The following MBTD1 variants were observed in gnomAD, a reference collection of about 807,000 sequenced individuals.
The protein encoded by MBTD1 is mbt domain containing 1.
MBTD1 carries 24 observed loss-of-function variants against 87.8 expected under a neutral mutation model. That is an observed-to-expected ratio of 0.27 (90% CI 0.20 to 0.38). The LOEUF (loss-of-function observed/expected upper bound fraction) is 0.38. Among genes scored for constraint, MBTD1 ranks in the 10% least tolerant of loss-of-function variants. MBTD1 has a pLI of 1.00. For missense variants in MBTD1, 436 were observed against 760.2 expected (o/e 0.57, Z 5.02); for synonymous variants, 237 against 248.6 (o/e 0.95, Z 0.44).
intron 9 of MBTD1, 89 bp downstream of exon 9, chr17:51,203,051 T>A: frequency 7.8e-7 from 1 of 1,286,126 alleles, no homozygotes; most frequent in Non-Finnish European, 1.1e-6. Context: ...GATCATCTGG[T>A]TCACAAAATT....
At chr17:51,235,256 C>T (rs1040191017) in intron 2 of MBTD1, among the ~76,000 whole-genome samples, 1 of 152,046 alleles carries the variant, frequency 6.6e-6, no homozygotes, top group Admixed American at 6.6e-5. Context: ...GTGCCTTAGC[C>T]TCCTGAGTAG....
chr17:51,251,349 A>C (rs1220990733), intron 2 of MBTD1: 1 of 152,068 alleles, frequency 6.6e-6, no homozygotes. Flanking sequence ...CATGTTTCCA[A>C]GTCTTCACTG....
At position 51,187,349 on chromosome 17, in the gene MBTD1, C is replaced by G. The variant is rs188582328; in HGVS notation, c.1768+4854G>C. On this transcript the variant is annotated intron_variant, in intron 16 of 16. Transcript: ENST00000586178. ...CCCAAGGGTTCAAGGCTGCAGTGAG[C>G]TATGATTGCACCACAGTGCTCCAGG... 1.7e-3 allele frequency among the ~76,000 whole-genome samples: 248 copies of G among 149,108 alleles called. 1 individual carries two copies. The highest frequency in any genetic ancestry group is 2.8e-4 in the Non-Finnish European group (19 of 67,766).
chr17:51,188,879 C>T (rs2145038812), intron 16 of MBTD1, among the ~76,000 whole-genome samples: 1 of 151,838 alleles, frequency 6.6e-6, no homozygotes, highest in African/African-American at 2.4e-5. Context: ...CCTGCCTCAG[C>T]CTCCCGAGTG....
intron 2 of MBTD1, 22 bp from the exon 3 acceptor site, chr17:51,225,231 T>C (rs1180210487): frequency 7.3e-7 from 1 of 1,373,946 alleles, no homozygotes; most frequent in East Asian, 2.6e-5. Flanking sequence ...GAGAAACCAG[T>C]GACACATGAC....
In MBTD1 at chr17:51,202,694, T is replaced by C. The variant is rs1355106731; in HGVS notation, c.1063+7A>G. The C allele has an allele frequency of 1.9e-6, 3 of 1,606,040 alleles. No homozygotes were observed. The highest frequency in any genetic ancestry group is 1.3e-5 in the African/African-American group (1 of 74,924). On this transcript the variant is annotated splice_region_variant and intron_variant, in intron 10 of 16. Coordinates refer to ENST00000586178, the MANE Select transcript of MBTD1 (RefSeq NM_017643.3). The stretch of plus-strand genomic sequence containing the variant: ...TTTTGACAGGAGTTCTTGTGATAGG[T>C]GCTTACCAGATCTTTTGAATCGATG...
At chr17:51,259,467 G>A (rs969786875) in intron 1 of MBTD1, among the ~76,000 whole-genome samples, 1 of 152,114 alleles carries the variant, frequency 6.6e-6, no homozygotes, top group Non-Finnish European at 1.5e-5. Context: ...CAAGAAGAGA[G>A]GACTACTCCA....
At position 51,179,506 on chromosome 17, in the gene MBTD1, A is replaced by ATT. The variant is rs1216139425; in HGVS notation, c.*1069_*1070insAA. 0.017 allele frequency: 1,412 copies of ATT among 82,256 alleles called. 93 individuals are homozygous for ATT. Among genetic ancestry groups the ATT allele is most frequent in the African/African-American group, 0.033 (702 of 21,576 alleles). 5.1% of individuals were successfully genotyped at this position (82,256 alleles called of 1,614,324 possible). A position where few individuals can be genotyped will look rare whatever the true frequency, so the allele number is the denominator to read the frequency against. On this transcript the variant is annotated 3_prime_UTR_variant, in exon 17 of 17. Transcript: ENST00000586178. ...ATTTTATATATATATATATATATAT[A>ATT]TATATATATATATATATATATATAT...
rs181868699 is a variant in MBTD1, at chr17:51,195,197, A to T, written c.1372+17T>A. 2 of 1,602,628 alleles carry T rather than the reference A, an allele frequency of 1.2e-6. No homozygotes were observed. The highest frequency in any genetic ancestry group is 8.5e-7 in the Non-Finnish European group (1 of 1,175,518). On this transcript the variant is annotated intron_variant, in intron 13 of 16. Transcript: ENST00000586178. ...AAGCAACAATTAAAACCCAGTGTTT[A>T]TATTAGGATGAAGTACCTCTGGGTG...
At chr17:51,192,724 G>C in intron 15 of MBTD1, 58 bp downstream of exon 15, 2 of 1,598,544 alleles carry the variant, frequency 1.3e-6, no homozygotes, top group Non-Finnish European at 1.7e-6. Flanking sequence ...ATGTGAGATA[G>C]TCCTCTGGAG....
rs2050153238 is a variant in MBTD1 at position 51,177,557 on chromosome 17, A to T, written c.*3019T>A. 1 of 152,250 alleles carries T rather than the reference A, an allele frequency of 6.6e-6. No individual in the cohort carries two copies. Among genetic ancestry groups the T allele is most frequent in the South Asian group, 2.1e-4 (1 of 4,836 alleles). 9.4% of individuals were successfully genotyped at this position (152,250 alleles called of 1,614,324 possible). On this transcript the variant is annotated 3_prime_UTR_variant, in exon 17 of 17. Transcript: ENST00000586178. Reference sequence around the variant, plus strand: ...TTGCAATTTGGTAAAAATGAAAGGAACATAAATTTTTCCAAAGGAATTTTT... The same window carrying T: ...TTGCAATTTGGTAAAAATGAAAGGATCATAAATTTTTCCAAAGGAATTTTT...
intron 2 of MBTD1, among the ~76,000 whole-genome samples, chr17:51,235,776 C>T (rs1400720830): frequency 1.3e-5 from 2 of 152,264 alleles, no homozygotes; most frequent in East Asian, 3.9e-4. Flanking sequence ...AGAATCACAG[C>T]AGATTTTTGG....
chr17:51,197,468 C>T, intron 12 of MBTD1, among the ~76,000 whole-genome samples: 1 of 151,604 alleles, frequency 6.6e-6, no homozygotes, highest in African/African-American at 2.4e-5. Flanking sequence ...TCCTAATTTG[C>T]CCAACCTCAC....
intron 2 of MBTD1, among the ~76,000 whole-genome samples, chr17:51,251,952 A>G (rs1429018732): frequency 6.6e-6 from 1 of 152,084 alleles, no homozygotes; most frequent in Non-Finnish European, 1.5e-5. Context: ...TTTGGTAGAG[A>G]CAGGGTTTCG....
chr17:51,247,086 T>C (rs1222450574), intron 2 of MBTD1, among the ~76,000 whole-genome samples: 1 of 152,246 alleles, frequency 6.6e-6, no homozygotes, highest in Non-Finnish European at 1.5e-5. Flanking sequence ...CATGTGCATA[T>C]GTGTGTATTC....
intron 16 of MBTD1, among the ~76,000 whole-genome samples, chr17:51,181,021 C>CTTT (rs57226972): frequency 2.4e-5 from 3 of 122,750 alleles, no homozygotes; most frequent in East Asian, 2.3e-4. Flanking sequence ...GAAGTACAAT[C>CTTT]TTTTTTTTTT....
At chr17:51,239,462 A>G (rs574918828) in intron 2 of MBTD1, among the ~76,000 whole-genome samples, 2 of 152,300 alleles carry the variant, frequency 1.3e-5, no homozygotes, top group African/African-American at 4.8e-5. Flanking sequence ...CTGACCAATG[A>G]TTAACATTTT....
At chr17:51,252,955 T>G (rs1482578171) in intron 2 of MBTD1, among the ~76,000 whole-genome samples, 1 of 151,850 alleles carries the variant, frequency 6.6e-6, no homozygotes, top group Non-Finnish European at 1.5e-5. Context: ...GAGAGATAGA[T>G]ACTAGATGAG....
Position 51,259,860 on chromosome 17 carries a change from G to A in MBTD1, c.-138C>T. Reference sequence around the variant, plus strand: ...CAGATCCTTTGTGTTTTCCATCAGGGCCTCATGGGTAGGGGTTGTCCGTGC... The same window carrying A: ...CAGATCCTTTGTGTTTTCCATCAGGACCTCATGGGTAGGGGTTGTCCGTGC... On this transcript the variant is annotated 5_prime_UTR_variant, in exon 1 of 17. Coordinates refer to ENST00000586178, the MANE Select transcript of MBTD1 (RefSeq NM_017643.3). 1 of 1,231,900 alleles carries A rather than the reference G, an allele frequency of 8.1e-7. No individual in the cohort carries two copies. Among genetic ancestry groups the A allele is most frequent in the Non-Finnish European group, 1.0e-6 (1 of 987,872 alleles). The allele number at this position is 1,231,900 out of a possible 1,614,324, so 76.3% of individuals were successfully genotyped here.
Sources: allele counts gnomAD v4.1 joint callset (sites outside exome capture counted in the v4.1 genomes callset), GRCh38; gene constraint gnomAD v4.1.1; transcripts MANE v1.5; gene names NCBI Gene and HGNC (gene_info 2026-07-23, HGNC 2026-07-21).